ADGRL3: variants seen among roughly 807,000 people sequenced by gnomAD.
ADGRL3 encodes the protein calcium-independent alpha-latrotoxin receptor 3.
Under a neutral mutation model 153.5 loss-of-function variants are expected in ADGRL3, and 62 were observed. The ratio of observed to expected loss-of-function variants is 0.40; its 90% CI spans 0.33 to 0.50. ADGRL3 has a LOEUF of 0.50. Ranked by LOEUF, ADGRL3 falls within the 20% of genes least tolerant of loss-of-function variation. The pLI, the probability that ADGRL3 is intolerant of heterozygous loss-of-function variation, is 0.47. For missense variants in ADGRL3, 1,641 were observed against 1,859.4 expected (o/e 0.88, Z 2.16); for synonymous variants, 710 against 672.5 (o/e 1.06, Z -0.86).
chr4:61,277,700 C>T (rs555991832), intron 1 of ADGRL3, among the ~76,000 whole-genome samples: 16 of 152,032 alleles, frequency 1.1e-4, no homozygotes, highest in Non-Finnish European at 2.4e-4. Context: ...TTCCTGAAAT[C>T]CATCTCTTTC....
intron 1 of ADGRL3, among the ~76,000 whole-genome samples, chr4:61,248,286 T>G (rs1757871046): frequency 6.6e-6 from 1 of 152,106 alleles, no homozygotes; most frequent in Non-Finnish European, 1.5e-5. Flanking sequence ...GAAAGTTACA[T>G]ATGACTAAGC....
intron 9 of ADGRL3, among the ~76,000 whole-genome samples, chr4:61,818,622 A>T (rs1190353168): frequency 6.6e-6 from 1 of 152,168 alleles, no homozygotes; most frequent in Admixed American, 6.5e-5. Flanking sequence ...TTGACAGGAG[A>T]TTTGGGCAAG....
intron 17 of ADGRL3, among the ~76,000 whole-genome samples, chr4:61,977,634 G>A (rs556485001): frequency 1.1e-4 from 17 of 152,194 alleles, no homozygotes; most frequent in African/African-American, 3.9e-4. Context: ...CTGTGAAGTC[G>A]TATCTGGCAG....
At chr4:61,851,858 T>G (rs2098208051) in intron 9 of ADGRL3, among the ~76,000 whole-genome samples, 1 of 152,218 alleles carries the variant, frequency 6.6e-6, no homozygotes, top group Non-Finnish European at 1.5e-5. Flanking sequence ...TTAAAAATCT[T>G]GAATAGCACT....
At chr4:61,730,361 G>T (rs571590093) in intron 6 of ADGRL3, among the ~76,000 whole-genome samples, 27 of 151,736 alleles carry the variant, frequency 1.8e-4, no homozygotes, top group Non-Finnish European at 3.8e-4. Flanking sequence ...GGAATGGTGT[G>T]TTTATTTAAT....
At chr4:61,866,554 C>G (rs1483297327) in intron 9 of ADGRL3, among the ~76,000 whole-genome samples, 1 of 152,142 alleles carries the variant, frequency 6.6e-6, no homozygotes, top group Non-Finnish European at 1.5e-5. Flanking sequence ...AGGAAAAGCT[C>G]AGGTGCTATT....
chr4:61,368,137 C>T (rs34497473), intron 1 of ADGRL3, among the ~76,000 whole-genome samples: 1 of 151,376 alleles, frequency 6.6e-6, no homozygotes, highest in African/African-American at 2.4e-5. Flanking sequence ...CTGGATATTA[C>T]CCCTTTGTCA....
chr4:61,322,787 G>A (rs1001885552), intron 1 of ADGRL3, among the ~76,000 whole-genome samples: 3 of 152,148 alleles, frequency 2.0e-5, no homozygotes, highest in African/African-American at 7.2e-5. Flanking sequence ...CTGGCATTGA[G>A]TGCAGCTTTT....
intron 9 of ADGRL3, among the ~76,000 whole-genome samples, chr4:61,890,634 C>T (rs1037479132): frequency 7.9e-5 from 12 of 152,314 alleles, no homozygotes; most frequent in East Asian, 3.9e-4. Context: ...AATCCATTCA[C>T]GAGGGCAGAG....
intron 3 of ADGRL3, among the ~76,000 whole-genome samples, chr4:61,512,565 A>G (rs559362004): frequency 1.4e-4 from 22 of 152,280 alleles, no homozygotes; most frequent in African/African-American, 3.8e-4. Flanking sequence ...GTAAATTTTT[A>G]AAATCTTCAA....
chr4:61,631,793 C>CT (rs2093182803), intron 5 of ADGRL3, among the ~76,000 whole-genome samples: 2 of 146,718 alleles, frequency 1.4e-5, no homozygotes, highest in Non-Finnish European at 1.5e-5. Flanking sequence ...TTTTTCTTTT[C>CT]TTTTTTTGTA....
At chr4:61,692,738 G>A (rs563767260) in intron 6 of ADGRL3, among the ~76,000 whole-genome samples, 3 of 152,116 alleles carry the variant, frequency 2.0e-5, no homozygotes, top group Non-Finnish European at 4.4e-5. Flanking sequence ...ACGCCTGGTC[G>A]TTCTCTTCCT....
intron 13 of ADGRL3, among the ~76,000 whole-genome samples, chr4:61,931,351 G>A (rs10517550): frequency 0.034 from 5,136 of 152,224 alleles, 181 homozygotes; most frequent in East Asian, 0.18. Flanking sequence ...TGCTTTCTAA[G>A]TGAAGACGTC....
chr4:61,725,829 T>C (rs1020794750), intron 6 of ADGRL3, among the ~76,000 whole-genome samples: 1 of 152,140 alleles, frequency 6.6e-6, no homozygotes, highest in South Asian at 2.1e-4. Context: ...TGTGAGCATA[T>C]GGTATTAGAC....
At chr4:61,713,837 A>G (rs1424623417) in intron 6 of ADGRL3, among the ~76,000 whole-genome samples, 1 of 152,204 alleles carries the variant, frequency 6.6e-6, no homozygotes, top group Non-Finnish European at 1.5e-5. Flanking sequence ...CTTCGAATAA[A>G]TGTTATATCA....
At chr4:61,345,665 C>A (rs1481782018) in intron 1 of ADGRL3, among the ~76,000 whole-genome samples, 1 of 152,154 alleles carries the variant, frequency 6.6e-6, no homozygotes, top group Non-Finnish European at 1.5e-5. Context: ...TTGGAACTTT[C>A]TGAAAGGAAA....
intron 8 of ADGRL3, among the ~76,000 whole-genome samples, chr4:61,748,933 A>G (rs1208956009): frequency 6.6e-6 from 1 of 151,324 alleles, no homozygotes; most frequent in Non-Finnish European, 1.5e-5. Flanking sequence ...AACCTACAAA[A>G]TGGGAGAAAA....
intron 2 of ADGRL3, among the ~76,000 whole-genome samples, chr4:61,399,935 A>G (rs1480058369): frequency 6.6e-6 from 1 of 151,748 alleles, no homozygotes; most frequent in Non-Finnish European, 1.5e-5. Context: ...TAATGCAATT[A>G]ATTTGTACTC....
chr4:61,219,830 A>G (rs12498199), intron 1 of ADGRL3, among the ~76,000 whole-genome samples: 93,333 of 151,958 alleles, frequency 0.61, 29,238 homozygotes, highest in Middle Eastern at 0.69. Flanking sequence ...GTCATCTGCC[A>G]GGTGCAGTGG....
Sources: gnomAD v4.1 joint callset for allele counts (sites outside exome capture counted in the v4.1 genomes callset) on GRCh38, gnomAD v4.1.1 for gene constraint, MANE v1.5 for transcripts, NCBI Gene and HGNC (gene_info 2026-07-23, HGNC 2026-07-21) for gene names.